The following TULP4 variants were observed in gnomAD, a reference collection of about 807,000 sequenced individuals.
TULP4 encodes TUB like protein 4, also known as tubby-related protein 4.
Under a neutral mutation model 129.0 loss-of-function variants are expected in TULP4, and 16 were observed. That is an observed-to-expected ratio of 0.12 (90% confidence interval 0.08 to 0.19). The LOEUF is 0.19. Among genes scored for constraint, TULP4 ranks in the 10% least tolerant of loss-of-function variants. The pLI, the probability that TULP4 is intolerant of heterozygous loss-of-function variation, is 1.00. For synonymous variants in TULP4, 998 were observed against 854.0 expected (o/e 1.17, Z -2.94); for missense variants, 1,842 against 2,059.1 (o/e 0.89, Z 2.04).
At chr6:158,367,139 C>T (rs908791495) in intron 1 of TULP4, among the ~76,000 whole-genome samples, 1 of 152,214 alleles carries the variant, frequency 6.6e-6, no homozygotes, top group Non-Finnish European at 1.5e-5. Context: ...ACTGTCACCT[C>T]TTTTCTTTCT....
At chr6:158,446,520 T>C (rs1357517584) in intron 3 of TULP4, among the ~76,000 whole-genome samples, 1 of 152,222 alleles carries the variant, frequency 6.6e-6, no homozygotes, top group African/African-American at 2.4e-5. Context: ...TGAGTATTAA[T>C]TCAAAAGACC....
Position 158,365,723 on chromosome 6 carries a change from G to A in TULP4, c.253-47342G>A, listed in dbSNP as rs1780927186. Among the ~76,000 whole-genome samples the A allele has an allele frequency of 5.3e-5, 8 of 151,666 alleles. No individual in the cohort carries two copies. The South Asian group carries it at 1.2e-3, about 24-fold the overall frequency. The stretch of plus-strand genomic sequence containing the variant: ...CCTGACCTTGTGATCCGCCCGCCTT[G>A]GCCTCCCAAAATGCTGGGATTACAG... On this transcript the variant is annotated intron_variant, in intron 1 of 13. Transcript: ENST00000367097.
intron 1 of TULP4, among the ~76,000 whole-genome samples, chr6:158,263,168 G>A (rs1164113067): frequency 6.6e-6 from 1 of 152,186 alleles, no homozygotes; most frequent in Non-Finnish European, 1.5e-5. Flanking sequence ...TAGCCTTTCA[G>A]CAGCTTAGCA....
At chr6:158,485,232 C>T (rs1780038417) in intron 8 of TULP4, among the ~76,000 whole-genome samples, 1 of 152,174 alleles carries the variant, frequency 6.6e-6, no homozygotes, top group Admixed American at 6.5e-5. Context: ...TTTGGTTCCT[C>T]CTGATGGCTT....
At position 158,506,855 on chromosome 6, in the gene TULP4, C is replaced by G. The variant is rs1562597633; in HGVS notation, c.*161C>G. The G allele has an allele frequency of 1.7e-6, 1 of 597,248 alleles. No homozygotes were observed. Among genetic ancestry groups the G allele is most frequent in the African/African-American group, 1.9e-5 (1 of 53,648 alleles). The allele number at this position is 597,248 out of a possible 1,614,324, so 37.0% of individuals were successfully genotyped here. ...CCAGGAGAGGGCGCTGACCTGTGGT[C>G]GTCATTTATTTGGTTGGGTTTTATT... On this transcript the variant is annotated 3_prime_UTR_variant, in exon 14 of 14. Transcript: ENST00000367097.
At chr6:158,249,110 AAAGAG>A (rs1459685724) in intron 1 of TULP4, among the ~76,000 whole-genome samples, 1 of 151,822 alleles carries the variant, frequency 6.6e-6, no homozygotes, top group Non-Finnish European at 1.5e-5. Flanking sequence ...AAAAAAGAAA[AAAGAG>A]GTTGGGTCAT....
chr6:158,284,760 A>G (rs1274849405), intron 1 of TULP4, among the ~76,000 whole-genome samples: 1 of 152,210 alleles, frequency 6.6e-6, no homozygotes, highest in Non-Finnish European at 1.5e-5. Context: ...GGCTGGTCCC[A>G]GTTTGAAAAC....
Position 158,344,654 on chromosome 6 carries a change from G to A in TULP4, c.252+30386G>A, listed in dbSNP as rs897134209. Among the ~76,000 whole-genome samples, 8 of 152,122 alleles carry A rather than the reference G, an allele frequency of 5.3e-5. No individual in the cohort carries two copies. In the South Asian group the frequency reaches 6.2e-4, roughly 12 times the overall value. On this transcript the variant is annotated intron_variant, in intron 1 of 13. Transcript: ENST00000367097. Reference sequence around the variant, plus strand: ...TTGTATGTGTTATGACTGTTCCACCGGCTGGCCATTCCCCCATTTCCCTTT... The same window carrying A: ...TTGTATGTGTTATGACTGTTCCACCAGCTGGCCATTCCCCCATTTCCCTTT...
chr6:158,336,492 C>G (rs1780037584), intron 1 of TULP4, among the ~76,000 whole-genome samples: 1 of 152,084 alleles, frequency 6.6e-6, no homozygotes, highest in Non-Finnish European at 1.5e-5. Flanking sequence ...ATTGGAAAGT[C>G]TTTTTCCACA....
At chr6:158,468,922 G>T (rs1779612783) in intron 6 of TULP4, among the ~76,000 whole-genome samples, 1 of 152,140 alleles carries the variant, frequency 6.6e-6, no homozygotes, top group Non-Finnish European at 1.5e-5. Flanking sequence ...GAGGCCTTAT[G>T]ACTTAATCAC....
intron 1 of TULP4, among the ~76,000 whole-genome samples, chr6:158,354,657 C>T (rs1780602799): frequency 6.6e-6 from 1 of 152,078 alleles, no homozygotes; most frequent in Non-Finnish European, 1.5e-5. Context: ...CTTTAGGAGG[C>T]CAAGGCGGGA....
intron 1 of TULP4, among the ~76,000 whole-genome samples, chr6:158,261,183 A>G (rs773089916): frequency 4.6e-5 from 7 of 152,114 alleles, no homozygotes; most frequent in Non-Finnish European, 8.8e-5. Context: ...AACCATCTAT[A>G]TTGTTGTGCA....
chr6:158,328,403 T>G (rs1779797948), intron 1 of TULP4, among the ~76,000 whole-genome samples: 1 of 152,188 alleles, frequency 6.6e-6, no homozygotes, highest in South Asian at 2.1e-4. Context: ...CTCAGGAACC[T>G]TCTAGATTCT....
intron 4 of TULP4, 109 bp downstream of exon 4, chr6:158,449,285 G>T (rs553729469): frequency 8.6e-7 from 1 of 1,163,282 alleles, no homozygotes; most frequent in East Asian, 2.5e-5. Flanking sequence ...CCACACCTAC[G>T]GCACCCGGGC....
intron 1 of TULP4, among the ~76,000 whole-genome samples, chr6:158,403,484 C>T (rs1254778010): frequency 6.6e-6 from 1 of 152,174 alleles, no homozygotes; most frequent in Non-Finnish European, 1.5e-5. Context: ...GGATTACAGG[C>T]ATGCGCCCCT....
intron 8 of TULP4, among the ~76,000 whole-genome samples, chr6:158,487,141 G>A (rs1331884043): frequency 4.0e-5 from 6 of 151,682 alleles, no homozygotes; most frequent in Non-Finnish European, 5.9e-5. Flanking sequence ...CCAGCTACTC[G>A]GGAGGCTGAG....
chr6:158,297,497 G>A (rs995408164), intron 1 of TULP4, among the ~76,000 whole-genome samples: 2 of 152,170 alleles, frequency 1.3e-5, no homozygotes, highest in African/African-American at 4.8e-5. Flanking sequence ...AGTAAGACAG[G>A]CATAAGAAAT....
At chr6:158,506,003 T>TGGAG (rs1466426479) in intron 13 of TULP4, among the ~76,000 whole-genome samples, 2 of 152,036 alleles carry the variant, frequency 1.3e-5, no homozygotes, top group Non-Finnish European at 2.9e-5. Flanking sequence ...TTTTCACGGA[T>TGGAG]GGAGCTGGAG....
chr6:158,484,956 A>G (rs1029448975), intron 8 of TULP4, among the ~76,000 whole-genome samples: 3 of 152,254 alleles, frequency 2.0e-5, no homozygotes, highest in Admixed American at 1.3e-4. Context: ...ATCTCTAAAC[A>G]TGTGGAAGAA....
Sources: allele counts gnomAD v4.1 joint callset (sites outside exome capture counted in the v4.1 genomes callset), GRCh38; gene constraint gnomAD v4.1.1; transcripts MANE v1.5; gene names NCBI Gene and HGNC (gene_info 2026-07-23, HGNC 2026-07-21).